Variants in RBMS3 observed in about 807,000 individuals in gnomAD.
RBMS3 encodes RNA binding motif single stranded interacting protein 3.
RBMS3 carries 27 observed loss-of-function variants against 66.8 expected under a neutral mutation model. The ratio of observed to expected loss-of-function variants is 0.40; its 90% CI spans 0.30 to 0.56. The LOEUF (loss-of-function observed/expected upper bound fraction) is 0.56, where lower values mean the gene tolerates loss of function less well. Among genes scored for constraint, RBMS3 ranks in the 20% least tolerant of loss-of-function variants. The probability of loss-of-function intolerance (pLI) is 0.40; values close to 1 mark genes in which losing one functional copy is unlikely to be tolerated. For synonymous variants in RBMS3, 188 were observed against 183.0 expected (o/e 1.03, Z -0.22); for missense variants, 513 against 549.5 (o/e 0.93, Z 0.66).
chr3:29,689,917 CAAAAAAAAAAAAAAA>C (rs66580293), intron 4 of RBMS3, among the ~76,000 whole-genome samples: 681 of 27,706 alleles, frequency 0.025, 11 homozygotes, highest in Admixed American at 0.074. Context: ...CTATCTCTAC[CAAAAAAAAAAAAAAA>C]AAAAAAAAAA....
chr3:29,502,418 A>T (rs1174219271), intron 3 of RBMS3, among the ~76,000 whole-genome samples: 2 of 152,114 alleles, frequency 1.3e-5, no homozygotes, highest in Non-Finnish European at 2.9e-5. Flanking sequence ...GACTAGAAGT[A>T]AATGATCCTG....
intron 1 of RBMS3, among the ~76,000 whole-genome samples, chr3:29,320,564 A>G (rs2125489332): frequency 6.6e-6 from 1 of 152,178 alleles, no homozygotes; most frequent in South Asian, 2.1e-4. Flanking sequence ...CCCGAGAAAA[A>G]CAGTCAAAGA....
intron 3 of RBMS3, among the ~76,000 whole-genome samples, chr3:29,573,927 T>C (rs1441300543): frequency 6.6e-6 from 1 of 152,238 alleles, no homozygotes. Flanking sequence ...GAGAAGATAC[T>C]TGATATTTTT....
chr3:29,702,600 G>C (rs754668280), intron 4 of RBMS3, among the ~76,000 whole-genome samples: 1 of 152,170 alleles, frequency 6.6e-6, no homozygotes. Context: ...AAGGTCTGCA[G>C]CTTCATTCCT....
chr3:29,653,143 T>C (rs1456509762), intron 4 of RBMS3, among the ~76,000 whole-genome samples: 1 of 152,148 alleles, frequency 6.6e-6, no homozygotes, highest in African/African-American at 2.4e-5. Flanking sequence ...GTGGTGGTGG[T>C]GGCGCCATGG....
intron 1 of RBMS3, among the ~76,000 whole-genome samples, chr3:29,325,571 TATAC>T (rs2035277078): frequency 6.6e-6 from 1 of 151,540 alleles, no homozygotes; most frequent in Admixed American, 6.6e-5. Context: ...TATGTATATA[TATAC>T]ATGTGTGTAT....
At chr3:29,930,046 A>T (rs2061067255) in intron 10 of RBMS3, among the ~76,000 whole-genome samples, 1 of 151,138 alleles carries the variant, frequency 6.6e-6, no homozygotes, top group African/African-American at 2.4e-5. Context: ...ATAGATCTAA[A>T]ATGTGCTATT....
intron 6 of RBMS3, among the ~76,000 whole-genome samples, chr3:29,798,404 GA>G (rs2057283661): frequency 6.6e-6 from 1 of 150,396 alleles, no homozygotes; most frequent in Admixed American, 6.6e-5. Flanking sequence ...AAGAAAAGGA[GA>G]AAAAGAGAAA....
intron 12 of RBMS3, among the ~76,000 whole-genome samples, chr3:29,985,698 A>G (rs1007800086): frequency 2.4e-4 from 36 of 152,110 alleles, no homozygotes; most frequent in Non-Finnish European, 4.1e-4. Context: ...ACCAATCCCA[A>G]TGAGATGAGC....
At chr3:29,560,864 A>G (rs2046525470) in intron 3 of RBMS3, among the ~76,000 whole-genome samples, 1 of 152,038 alleles carries the variant, frequency 6.6e-6, no homozygotes, top group African/African-American at 2.4e-5. Flanking sequence ...CCCATTAGTT[A>G]TTTTTCCTGG....
intron 12 of RBMS3, among the ~76,000 whole-genome samples, chr3:29,955,898 T>C (rs1028513989): frequency 6.6e-6 from 1 of 152,108 alleles, no homozygotes; most frequent in African/African-American, 2.4e-5. Flanking sequence ...TTACTCTCTT[T>C]CCCTTCACCT....
intron 1 of RBMS3, among the ~76,000 whole-genome samples, chr3:29,416,082 CT>C (rs1461397099): frequency 1.3e-5 from 2 of 152,116 alleles, no homozygotes; most frequent in Non-Finnish European, 2.9e-5. Context: ...TTGCTTTCAA[CT>C]TTCTTGGTGC....
At chr3:29,370,565 T>C (rs2125600834) in intron 1 of RBMS3, among the ~76,000 whole-genome samples, 1 of 152,346 alleles carries the variant, frequency 6.6e-6, no homozygotes, top group Non-Finnish European at 1.5e-5. Flanking sequence ...GCTCATCCAC[T>C]TGTGAGACTC....
intron 1 of RBMS3, among the ~76,000 whole-genome samples, chr3:29,292,463 C>A (rs540872348): frequency 2.6e-5 from 4 of 151,940 alleles, no homozygotes; most frequent in African/African-American, 9.6e-5. Flanking sequence ...TATTGTGGTA[C>A]CTTCTCATGA....
intron 4 of RBMS3, among the ~76,000 whole-genome samples, chr3:29,687,252 T>G (rs1440503): frequency 0.58 from 88,194 of 152,092 alleles, 25,720 homozygotes; most frequent in African/African-American, 0.63. Flanking sequence ...ATTGTTCCAA[T>G]TTCCCAGAAC....
chr3:29,673,838 G>A (rs550101692), intron 4 of RBMS3, among the ~76,000 whole-genome samples: 2 of 152,150 alleles, frequency 1.3e-5, no homozygotes, highest in African/African-American at 4.8e-5. Context: ...AGAGGAGCTG[G>A]TACCATTCGT....
chr3:29,549,957 A>G (rs913386059), intron 3 of RBMS3, among the ~76,000 whole-genome samples: 1 of 152,152 alleles, frequency 6.6e-6, no homozygotes, highest in African/African-American at 2.4e-5. Context: ...ATATATAGGC[A>G]TTAAAAAAAA....
chr3:29,548,736 A>G (rs1183699631), intron 3 of RBMS3, among the ~76,000 whole-genome samples: 1 of 152,068 alleles, frequency 6.6e-6, no homozygotes, highest in Non-Finnish European at 1.5e-5. Flanking sequence ...ACCTCTCTCC[A>G]GTCCTCAACA....
intron 6 of RBMS3, among the ~76,000 whole-genome samples, chr3:29,780,795 A>G (rs2056604495): frequency 6.6e-6 from 1 of 152,124 alleles, no homozygotes; most frequent in Admixed American, 6.6e-5. Context: ...ATCTCACAGA[A>G]CAAGTCCCTG....
Sources: allele counts gnomAD v4.1 joint callset (sites outside exome capture counted in the v4.1 genomes callset), GRCh38; gene constraint gnomAD v4.1.1; transcripts MANE v1.5; gene names NCBI Gene and HGNC (gene_info 2026-07-23, HGNC 2026-07-21).